BPI: variants seen among roughly 807,000 people sequenced by gnomAD.
BPI encodes bactericidal permeability increasing protein, also known as bactericidal permeability-increasing protein.
Under a neutral mutation model 57.6 loss-of-function variants are expected in BPI, and 48 were observed. The observed-to-expected ratio is 0.83, with a 90% CI of 0.66 to 1.06. The LOEUF is 1.06. Among genes scored for constraint, BPI ranks in the 50% least tolerant of loss-of-function variants. The pLI, the probability that BPI is intolerant of heterozygous loss-of-function variation, is 0.00. For synonymous variants in BPI, 237 were observed against 238.2 expected, an observed-to-expected ratio of 0.99 and a Z score of 0.05; for missense variants, 651 against 609.7, an observed-to-expected ratio of 1.07 and a Z score of -0.71.
chr20:38,326,502 G>A (rs1600710433), intron 10 of BPI, 70 bp downstream of exon 10: 1 of 1,465,678 alleles, frequency 6.8e-7, no homozygotes, highest in East Asian at 2.5e-5. Context: ...TTGGAGTCAG[G>A]AGACCATGTG....
chr20:38,320,160 T>C (rs2076673922), intron 6 of BPI, 23 bp from the exon 7 acceptor site: 2 of 1,589,198 alleles, frequency 1.3e-6, no homozygotes, highest in African/African-American at 2.7e-5. Context: ...AGCCAGCTCA[T>C]GGTCCATTTT....
chr20:38,331,860 AG>A (rs1384869256), intron 12 of BPI, among the ~76,000 whole-genome samples: 9 of 134,230 alleles, frequency 6.7e-5, no homozygotes, highest in African/African-American at 2.3e-4. Flanking sequence ...AAAAAAAAAA[AG>A]AGAGAGAAGA....
rs2076663912 is a variant in BPI, at chr20:38,318,470, C to G, written c.658C>G (p.Leu220Val). 2 of 1,613,308 alleles carry G rather than the reference C, an allele frequency of 1.2e-6. No homozygotes were observed. The highest frequency in any genetic ancestry group is 2.2e-5 in the East Asian group (1 of 44,886). ...CGAGCTGCAACCTTATTTCCAGACT[C>G]TGCCAGGTGAGGGCTGGATGAAGAT... is the stretch of plus-strand genomic sequence containing the variant. ...SSELQPYFQTLPVMTKIDSVA... is the reference protein window; with the variant it reads ...SSELQPYFQTVPVMTKIDSVA... The change falls in exon 6 of 15, where the codon CTG becomes GTG. Residue 220 changes from leucine to valine, a missense_variant. Physicochemically the swap from Leu to Val is conservative, Grantham distance 32. Transcript: ENST00000642449.
chr20:38,317,255 T>C (rs898028837), intron 5 of BPI, among the ~76,000 whole-genome samples: 3 of 152,196 alleles, frequency 2.0e-5, no homozygotes, highest in African/African-American at 7.2e-5. Context: ...TAGCTATCTA[T>C]TGCTTGAAAA....
chr20:38,335,782 C>T (rs1047486173), intron 14 of BPI, 108 bp downstream of exon 14: 1 of 1,083,892 alleles, frequency 9.2e-7, no homozygotes, highest in African/African-American at 1.6e-5. Context: ...GCGCCTTCTA[C>T]CCTTACAACA....
chr20:38,320,366 C>T lies in BPI; in HGVS notation c.756+92C>T. The T allele has an allele frequency of 3.4e-6, 4 of 1,159,742 alleles. No homozygotes were observed. The South Asian group carries it at 4.2e-5, about 12-fold the overall frequency. 71.8% of individuals were successfully genotyped at this position (1,159,742 alleles called of 1,614,324 possible). ...CCTTGGAAACAAACTTAACAATGTC[C>T]CCTACTTCCTATCTGACTCACCACC... On this transcript the variant is annotated intron_variant, in intron 7 of 14. Coordinates refer to ENST00000642449, the MANE Select transcript of BPI (RefSeq NM_001725.3).
In BPI at chr20:38,326,418, T is replaced by C; in HGVS notation, c.1147T>C (p.Phe383Leu). The C allele has an allele frequency of 8.7e-6, 14 of 1,613,642 alleles. No homozygotes were observed. The highest frequency in any genetic ancestry group is 1.2e-5 in the Non-Finnish European group (14 of 1,179,800). ...CCCCAACTCCTCCCTGGCTTCCCTC[T>C]TCCTGATTGGCATGGTAAGCAGTTC... ...VLPNSSLASLFLIGMHTTGSM... is the reference protein window; with the variant it reads ...VLPNSSLASLLLIGMHTTGSM... Residue 383 changes from phenylalanine (F) to leucine (L), a missense_variant, in exon 10 of 15, where the codon TTC (phenylalanine) becomes CTC (leucine). Physicochemically the swap from Phe to Leu is conservative, Grantham distance 22. Coordinates refer to ENST00000642449, the MANE Select transcript of BPI (RefSeq NM_001725.3).
intron 3 of BPI, among the ~76,000 whole-genome samples, chr20:38,309,636 A>C (rs1382635655): frequency 6.6e-6 from 1 of 152,210 alleles, no homozygotes; most frequent in Admixed American, 6.5e-5. Flanking sequence ...CCCAAAGTCA[A>C]GGGCAAGCAA....
chr20:38,322,235 C>T (rs190644127), intron 7 of BPI, among the ~76,000 whole-genome samples: 27 of 152,156 alleles, frequency 1.8e-4, no homozygotes, highest in African/African-American at 6.3e-4. Flanking sequence ...TCCTTGCAAT[C>T]GTGTCTCTGT....
intron 4 of BPI, 149 bp downstream of exon 4, chr20:38,310,801 A>G: frequency 4.0e-6 from 4 of 1,001,574 alleles, no homozygotes. Flanking sequence ...CCAGGGGCCC[A>G]CAGATGAACC....
intron 11 of BPI, among the ~76,000 whole-genome samples, chr20:38,328,693 A>C (rs1336422016): frequency 6.6e-6 from 1 of 151,560 alleles, no homozygotes; most frequent in Non-Finnish European, 1.5e-5. Context: ...GAGAAACAGA[A>C]ATGCAGAAAG....
intron 2 of BPI, among the ~76,000 whole-genome samples, chr20:38,308,545 A>G (rs536153335): frequency 1.3e-5 from 2 of 152,332 alleles, no homozygotes; most frequent in Admixed American, 1.3e-4. Flanking sequence ...AGACAGAGCT[A>G]TACAGAGCTC....
intron 10 of BPI, among the ~76,000 whole-genome samples, chr20:38,327,345 C>T (rs866779588): frequency 3.3e-5 from 5 of 152,104 alleles, no homozygotes; most frequent in South Asian, 2.1e-4. Flanking sequence ...GCAGCCTCTC[C>T]GAGAGTGGCC....
chr20:38,309,602 G>A (rs1283299498), intron 3 of BPI, among the ~76,000 whole-genome samples: 1 of 152,190 alleles, frequency 6.6e-6, no homozygotes, highest in Non-Finnish European at 1.5e-5. Context: ...ATATACCATG[G>A]CCAAATCATT....
chr20:38,310,149 A>G (rs4811687), intron 3 of BPI, among the ~76,000 whole-genome samples: 1 of 152,226 alleles, frequency 6.6e-6, no homozygotes, highest in African/African-American at 2.4e-5. Flanking sequence ...CAAAGCTGAG[A>G]CACACACTCT....
chr20:38,336,292 C>T (rs376120867), intron 14 of BPI, among the ~76,000 whole-genome samples: 2 of 152,106 alleles, frequency 1.3e-5, no homozygotes, highest in Non-Finnish European at 2.9e-5. Context: ...TCTCTTCCCC[C>T]GCCATTGGCA....
In BPI at chr20:38,324,040, T is replaced by A. The variant is rs772165542; in HGVS notation, c.927T>A (p.Asp309Glu). The A allele has an allele frequency of 3.5e-5, 56 of 1,613,594 alleles. No homozygotes were observed. The highest frequency in any genetic ancestry group is 1.7e-4 in the Middle Eastern group (1 of 5,834). ...GGGTCTTGAAGATGACCCTTAGAGA[T>A]GACATGGTAAGGCCGGGCTCTGGGT... ...EAGVLKMTLR[D>E]DMIPKESKFR... Residue 309 changes from aspartate (D) to glutamate (E), a missense_variant, in exon 8 of 15, where the codon GAT becomes GAA. Transcript: ENST00000642449.
chr20:38,307,553 C>T lies in BPI; in HGVS notation c.131-14C>T. On this transcript the variant is annotated splice_polypyrimidine_tract_variant and intron_variant, in intron 1 of 14. Coordinates refer to ENST00000642449, the MANE Select transcript of BPI (RefSeq NM_001725.3). ...GCTGTGCCTCTCACTGTCACCCCTGCCTTCTCCCTTCAGCCAGCCAGCAGG... is the reference window on the plus strand; with the variant it reads ...GCTGTGCCTCTCACTGTCACCCCTGTCTTCTCCCTTCAGCCAGCCAGCAGG... 6.3e-7 allele frequency: 1 copy of T among 1,592,680 alleles called. No homozygotes were observed. The highest frequency in any genetic ancestry group is 1.4e-5 in the African/African-American group (1 of 73,784).
chr20:38,336,146 G>T (rs1001320462), intron 14 of BPI, among the ~76,000 whole-genome samples: 1 of 151,982 alleles, frequency 6.6e-6, no homozygotes, highest in Non-Finnish European at 1.5e-5. Context: ...ACACTGATGC[G>T]CTTCCTGGGC....
Sources: allele counts gnomAD v4.1 joint callset (sites outside exome capture counted in the v4.1 genomes callset), GRCh38; gene constraint gnomAD v4.1.1; transcripts MANE v1.5; gene names NCBI Gene and HGNC (gene_info 2026-07-23, HGNC 2026-07-21).